The following SLCO1B3 variants were observed in gnomAD, a reference collection of about 807,000 sequenced individuals.
SLCO1B3 encodes the protein liver-specific organic anion transporter 2.
Under a neutral mutation model 71.8 loss-of-function variants are expected in SLCO1B3, and 72 were observed. The observed-to-expected ratio is 1.00, with a 90% CI of 0.83 to 1.22. The LOEUF (loss-of-function observed/expected upper bound fraction) is 1.22, where lower values mean the gene tolerates loss of function less well. SLCO1B3 is among the 50% of genes most tolerant of loss of function. SLCO1B3 has a pLI of 0.00. For missense variants in SLCO1B3, 911 were observed against 819.7 expected, an observed-to-expected ratio of 1.11 and a Z score of -1.36; for synonymous variants, 298 against 278.4, an observed-to-expected ratio of 1.07 and a Z score of -0.70.
chr12:20,902,877 T>A (rs973853693), intron 15 of SLCO1B3, among the ~76,000 whole-genome samples: 1 of 151,960 alleles, frequency 6.6e-6, no homozygotes, highest in Admixed American at 6.6e-5. Context: ...GAGACCAGCC[T>A]GACAATCATG....
Position 20,862,766 on chromosome 12 carries a change from T to A in SLCO1B3, c.639T>A (p.Asn213Lys). The part of the protein sequence containing the change: ...GHSSLYLGSL[N>K]AIGMIGPVIG... ...TTGTAATACTTACAGGTAGTTTGAA[T>A]GCAATAGGAATGATTGGTCCAGTCA... The change falls in exon 8 of 16, where the codon AAT becomes AAA. Residue 213 changes from asparagine (N) to lysine (K), a missense_variant. Physicochemically the swap from Asn to Lys is moderately conservative, Grantham distance 94. Coordinates refer to ENST00000381545, the MANE Select transcript of SLCO1B3 (RefSeq NM_019844.4). 5 of 1,607,658 alleles carry A rather than the reference T, an allele frequency of 3.1e-6. No homozygotes were observed. Among genetic ancestry groups the A allele is most frequent in the Non-Finnish European group, 4.2e-6 (5 of 1,176,556 alleles).
intron 13 of SLCO1B3, among the ~76,000 whole-genome samples, chr12:20,897,899 T>C (rs1866047015): frequency 6.6e-6 from 1 of 152,216 alleles, no homozygotes; most frequent in African/African-American, 2.4e-5. Context: ...ATATGCTCTG[T>C]AGCTTTAATG....
chr12:20,840,045 A>G (rs776444801), intron 3 of SLCO1B3, among the ~76,000 whole-genome samples: 3 of 152,144 alleles, frequency 2.0e-5, no homozygotes, highest in Non-Finnish European at 2.9e-5. Context: ...TAAATTGCTC[A>G]TCTGTTCTTG....
At chr12:20,830,488 A>C (rs1444491118) in intron 3 of SLCO1B3, among the ~76,000 whole-genome samples, 3 of 152,214 alleles carry the variant, frequency 2.0e-5, no homozygotes, top group Admixed American at 6.5e-5. Flanking sequence ...GTATGTATGC[A>C]TCTTGCACTT....
chr12:20,839,466 A>G (rs537798829), intron 3 of SLCO1B3, among the ~76,000 whole-genome samples: 55 of 152,090 alleles, frequency 3.6e-4, no homozygotes, highest in Non-Finnish European at 4.7e-4. Flanking sequence ...TGCTTTACAT[A>G]TTTTTATTCC....
chr12:20,912,495 A>ATTTTTTTTTTTTTTTTGT (rs1866402811), intron 15 of SLCO1B3, among the ~76,000 whole-genome samples: 1 of 118,924 alleles, frequency 8.4e-6, no homozygotes, highest in Non-Finnish European at 1.7e-5. Flanking sequence ...CACCTGGCTA[A>ATTTTTTTTTTTTTTTTGT]TTTTTTTTTT....
At chr12:20,870,079 T>A (rs1412180550) in intron 8 of SLCO1B3, among the ~76,000 whole-genome samples, 2 of 152,168 alleles carry the variant, frequency 1.3e-5, no homozygotes, top group Non-Finnish European at 2.9e-5. Context: ...ATTATTATGA[T>A]AATAAGTGAT....
In SLCO1B3 at chr12:20,883,926, C is replaced by T. The variant is rs148508697; in HGVS notation, c.1682+324C>T. Among the ~76,000 whole-genome samples the T allele has an allele frequency of 2.0e-4, 31 of 152,174 alleles. No individual in the cohort carries two copies. The East Asian group carries it at 6.0e-3, about 29-fold the overall frequency. ...CTTTTAATTTTGAGTTGCGTTGCATCCTAATGAGCCAGTTAAGAGTAAATC... is the reference window on the plus strand; with the variant it reads ...CTTTTAATTTTGAGTTGCGTTGCATTCTAATGAGCCAGTTAAGAGTAAATC... On this transcript the variant is annotated intron_variant, in intron 13 of 15. Transcript: ENST00000381545.
intron 3 of SLCO1B3, among the ~76,000 whole-genome samples, chr12:20,833,007 CAG>C (rs1864576315): frequency 1.3e-5 from 2 of 152,272 alleles, no homozygotes; most frequent in African/African-American, 4.8e-5. Flanking sequence ...GAACTAAACT[CAG>C]GGGGTTGGCA....
intron 13 of SLCO1B3, among the ~76,000 whole-genome samples, chr12:20,897,634 A>G (rs899764266): frequency 7.9e-5 from 12 of 152,308 alleles, no homozygotes; most frequent in Non-Finnish European, 1.6e-4. Flanking sequence ...TAGCTCTCTG[A>G]AAAAAACCAT....
At chr12:20,858,378 C>A in intron 4 of SLCO1B3, 61 bp from the exon 5 acceptor site, 1 of 1,232,078 alleles carries the variant, frequency 8.1e-7, no homozygotes, top group South Asian at 1.3e-5. Flanking sequence ...TTGGGGCATT[C>A]AGTTCTACTA....
intron 1 of SLCO1B3, among the ~76,000 whole-genome samples, chr12:20,811,497 C>G (rs1864109875): frequency 6.6e-6 from 1 of 152,132 alleles, no homozygotes. Flanking sequence ...GCTGTTTTCC[C>G]TTTTATCCTC....
At chr12:20,877,307 G>A (rs1865602086) in intron 9 of SLCO1B3, among the ~76,000 whole-genome samples, 1 of 152,040 alleles carries the variant, frequency 6.6e-6, no homozygotes, top group Admixed American at 6.6e-5. Context: ...TGCTCATTAG[G>A]AATGGTTAAA....
intron 3 of SLCO1B3, among the ~76,000 whole-genome samples, chr12:20,838,199 T>C (rs80020894): frequency 0.03 from 4,547 of 152,048 alleles, 146 homozygotes; most frequent in East Asian, 0.15. Context: ...GTTACATTTG[T>C]ATACCTTTTT....
chr12:20,815,597 T>C (rs961426445), intron 2 of SLCO1B3, 77 bp from the exon 3 acceptor site: 63 of 588,854 alleles, frequency 1.1e-4, no homozygotes, highest in Non-Finnish European at 1.7e-4. Flanking sequence ...TTGATTGATA[T>C]TGAGCTTGTG....
chr12:20,875,161 A>G, intron 8 of SLCO1B3, 74 bp from the exon 9 acceptor site: 14 of 1,526,408 alleles, frequency 9.2e-6, no homozygotes, highest in Non-Finnish European at 1.3e-5. Flanking sequence ...GACTGCAATC[A>G]TTATCATTAT....
intron 1 of SLCO1B3, among the ~76,000 whole-genome samples, chr12:20,811,361 A>G (rs1198818464): frequency 2.6e-5 from 4 of 152,210 alleles, no homozygotes; most frequent in Non-Finnish European, 4.4e-5. Context: ...TAACAGCTCA[A>G]TAAATAATGG....
chr12:20,872,666 G>A (rs1346992303), intron 8 of SLCO1B3, among the ~76,000 whole-genome samples: 1 of 152,004 alleles, frequency 6.6e-6, no homozygotes, highest in East Asian at 1.9e-4. Flanking sequence ...ATGCTGCCAG[G>A]AGTGGGTCCT....
intron 8 of SLCO1B3, among the ~76,000 whole-genome samples, chr12:20,869,003 C>T (rs909253597): frequency 1.3e-5 from 2 of 152,048 alleles, no homozygotes; most frequent in African/African-American, 4.8e-5. Context: ...CAGGATGGAA[C>T]ATGAAGGCGG....
Sources: gnomAD v4.1 joint callset for allele counts (sites outside exome capture counted in the v4.1 genomes callset) on GRCh38, gnomAD v4.1.1 for gene constraint, MANE v1.5 for transcripts, NCBI Gene and HGNC (gene_info 2026-07-23, HGNC 2026-07-21) for gene names.